ERN1: variants seen among roughly 807,000 people sequenced by gnomAD.
ERN1 encodes the protein endoplasmic reticulum to nucleus signaling 1.
Under a neutral mutation model 113.1 loss-of-function variants are expected in ERN1, and 39 were observed. The observed-to-expected ratio is 0.34, with a 90% CI of 0.27 to 0.45. ERN1 has a LOEUF of 0.45. Ranked by LOEUF, ERN1 falls within the 20% of genes least tolerant of loss-of-function variation. ERN1 has a pLI of 1.00. For synonymous variants in ERN1, 507 were observed against 515.9 expected (o/e 0.98, Z 0.23); for missense variants, 976 against 1,274.8 (o/e 0.77, Z 3.57).
intron 17 of ERN1, among the ~76,000 whole-genome samples, chr17:64,050,649 CACAGAAGTGGT>C (rs1023520378): frequency 6.6e-6 from 1 of 152,094 alleles, no homozygotes; most frequent in Non-Finnish European, 1.5e-5. Context: ...ATGCAGAAGT[CACAGAAGTGGT>C]ACAGAAGTGT....
At chr17:64,119,364 CT>C (rs1914890506) in intron 1 of ERN1, among the ~76,000 whole-genome samples, 1 of 115,530 alleles carries the variant, frequency 8.7e-6, no homozygotes, top group Non-Finnish European at 1.9e-5. Context: ...TATTAGGTTC[CT>C]TTTTTTCTAG....
chr17:64,101,104 T>C lies in ERN1; in HGVS notation c.55-2863A>G, dbSNP rs532411419. 8.6e-5 allele frequency among the ~76,000 whole-genome samples: 13 copies of C among 151,514 alleles called. No homozygotes were observed. The East Asian group carries it at 1.8e-3, about 21-fold the overall frequency. ...CACACCCAATGAGGAAAAATGCAGA[T>C]AGAAAAAGGGAAAAAAAGGGCCAGG... On this transcript the variant is annotated intron_variant, in intron 1 of 21. Coordinates refer to ENST00000433197, the MANE Select transcript of ERN1 (RefSeq NM_001433.5).
rs771133640 is a variant in ERN1, at chr17:64,047,851, T to C, written c.2529+7A>G. On this transcript the variant is annotated splice_region_variant and intron_variant, in intron 19 of 21. Coordinates refer to ENST00000433197, the MANE Select transcript of ERN1 (RefSeq NM_001433.5). ...AGACTCTGGATAAAGAGAACAGACGTCTCTACCTGGAAGAACTGGAGCTGC... is the reference window on the plus strand; with the variant it reads ...AGACTCTGGATAAAGAGAACAGACGCCTCTACCTGGAAGAACTGGAGCTGC... 4.4e-6 allele frequency: 7 copies of C among 1,602,666 alleles called. No homozygotes were observed. The highest frequency in any genetic ancestry group is 3.4e-5 in the Admixed American group (2 of 58,194).
chr17:64,128,518 G>A (rs1302948652), intron 1 of ERN1, among the ~76,000 whole-genome samples: 1 of 152,108 alleles, frequency 6.6e-6, no homozygotes, highest in African/African-American at 2.4e-5. Context: ...AGAATCCAGT[G>A]ACAAAGTAGC....
intron 2 of ERN1, among the ~76,000 whole-genome samples, chr17:64,094,002 G>A (rs995217470): frequency 4.6e-5 from 7 of 152,162 alleles, no homozygotes; most frequent in East Asian, 3.9e-4. Context: ...GGATGCTAGC[G>A]GTCCTGTACA....
chr17:64,059,683 T>C (rs1165043580), intron 11 of ERN1, among the ~76,000 whole-genome samples: 1 of 152,094 alleles, frequency 6.6e-6, no homozygotes, highest in Non-Finnish European at 1.5e-5. Context: ...GGCTGCTGAA[T>C]TCCTCAACTG....
At chr17:64,094,153 T>A (rs1183012175) in intron 2 of ERN1, among the ~76,000 whole-genome samples, 4 of 152,210 alleles carry the variant, frequency 2.6e-5, no homozygotes, top group Admixed American at 6.5e-5. Context: ...TATACAGAAT[T>A]TTCTTGGAAC....
Position 64,049,082 on chromosome 17 carries a change from G to A in ERN1, c.2374C>T (p.Leu792Phe). The A allele has an allele frequency of 6.2e-7, 1 of 1,603,936 alleles. No individual in the cohort carries two copies. Among genetic ancestry groups the A allele is most frequent in the African/African-American group, 1.3e-5 (1 of 74,852 alleles). ...TGCTTCTCTGGGTGCAAGCAGTCAA[G>A]GCTGCAGGCACCCAGGAGGATGTTG... ...QANILLGACS[L>F]DCLHPEKHED... is the part of the protein sequence containing the mutation. Residue 792 changes from leucine (L) to phenylalanine (F), a missense_variant, in exon 18 of 22, where the codon CTT becomes TTT. By Grantham distance (22) the Leu-to-Phe change is conservative. This residue lies in a region of ERN1 where 297 missense variants were observed against 457.8 expected (regional missense o/e 0.65). Coordinates refer to ENST00000433197, the MANE Select transcript of ERN1 (RefSeq NM_001433.5). This position sits in a 1 kb window ranked among gnomAD's most constrained non-coding sequence, Gnocchi z 4.7.
intron 1 of ERN1, among the ~76,000 whole-genome samples, chr17:64,108,958 A>C (rs1246713493): frequency 6.6e-6 from 1 of 152,126 alleles, no homozygotes; most frequent in African/African-American, 2.4e-5. Flanking sequence ...CCCCGTCTCT[A>C]CTAAAAACAC....
intron 6 of ERN1, among the ~76,000 whole-genome samples, chr17:64,069,832 G>T (rs196941): frequency 2.0e-5 from 3 of 151,840 alleles, no homozygotes; most frequent in African/African-American, 2.4e-5. Context: ...GATAATGAGA[G>T]GTGAGATTTT....
chr17:64,065,014 G>A (rs1374191225), intron 9 of ERN1, among the ~76,000 whole-genome samples, 195 bp downstream of exon 9: 2 of 152,186 alleles, frequency 1.3e-5, no homozygotes, highest in Non-Finnish European at 2.9e-5. Context: ...GGGATTCCTC[G>A]GCTTTAAGAA....
chr17:64,054,085 A>C lies in ERN1; in HGVS notation c.1953+165T>G, dbSNP rs169063. The C allele has an allele frequency of 1.7e-6, 1 of 571,478 alleles. No homozygotes were observed. The highest frequency in any genetic ancestry group is 3.0e-6 in the Non-Finnish European group (1 of 329,740). The allele number at this position is 571,478 out of a possible 1,614,324, so 35.4% of individuals were successfully genotyped here. On this transcript the variant is annotated intron_variant, in intron 15 of 21. Transcript: ENST00000433197. This position sits in a 1 kb window ranked among gnomAD's most constrained non-coding sequence, Gnocchi z 4.9. ...CTCCCAAGTAGCTGGGGCTACAGGA[A>C]CACATCGCTAGGCCTGGCTAATTTT...
rs1915186763 is a variant in ERN1, at chr17:64,129,807, G to A, written c.54+169C>T. ...CCGTCAGGGAAGCTCTCCCGGCCCGGTGCCGCCTCCTACGCCCGGCCCGAG... is the reference window on the plus strand; with the variant it reads ...CCGTCAGGGAAGCTCTCCCGGCCCGATGCCGCCTCCTACGCCCGGCCCGAG... On this transcript the variant is annotated intron_variant, in intron 1 of 21. Transcript: ENST00000433197. 9 of 541,630 alleles carry A rather than the reference G, an allele frequency of 1.7e-5. No individual in the cohort carries two copies. In the South Asian group the frequency reaches 3.7e-4, roughly 22 times the overall value. 33.6% of individuals were successfully genotyped at this position (541,630 alleles called of 1,614,324 possible).
At chr17:64,075,007 C>A in intron 5 of ERN1, 168 bp downstream of exon 5, 1 of 604,224 alleles carries the variant, frequency 1.7e-6, no homozygotes, top group Non-Finnish European at 2.9e-6. Flanking sequence ...TGGGGGAGCC[C>A]TTTCTTAATT....
At chr17:64,055,627 G>A in intron 13 of ERN1, 48 bp downstream of exon 13, 1 of 1,505,252 alleles carries the variant, frequency 6.6e-7, no homozygotes, top group African/African-American at 1.4e-5. Flanking sequence ...TTCTCAGGAG[G>A]TGCTCGAATA....
chr17:64,120,063 A>ATT (rs939615946), intron 1 of ERN1, among the ~76,000 whole-genome samples: 2 of 150,144 alleles, frequency 1.3e-5, no homozygotes, highest in East Asian at 3.9e-4. Context: ...GGCCTTAAAC[A>ATT]TTTTTTTTTT....
chr17:64,102,255 C>T (rs1245930000), intron 1 of ERN1, among the ~76,000 whole-genome samples: 1 of 152,288 alleles, frequency 6.6e-6, no homozygotes, highest in East Asian at 1.9e-4. Flanking sequence ...CATTGCACTC[C>T]AGCCTAGGCA....
At chr17:64,121,357 TA>T (rs1914950069) in intron 1 of ERN1, among the ~76,000 whole-genome samples, 1 of 152,214 alleles carries the variant, frequency 6.6e-6, no homozygotes, top group African/African-American at 2.4e-5. Flanking sequence ...TAAAGGCCTC[TA>T]AGGAAAGAAC....
intron 6 of ERN1, among the ~76,000 whole-genome samples, chr17:64,069,702 C>T (rs997226800): frequency 6.6e-6 from 1 of 152,188 alleles, no homozygotes. Flanking sequence ...GTCTCTGTCT[C>T]ACCACTGCAT....
Sources: allele counts gnomAD v4.1 joint callset (sites outside exome capture counted in the v4.1 genomes callset), GRCh38; gene constraint gnomAD v4.1.1; regional missense constraint gnomAD v4.1.1; non-coding constraint Gnocchi (gnomAD v3.1); transcripts MANE v1.5; gene names NCBI Gene and HGNC (gene_info 2026-07-23, HGNC 2026-07-21).